Variants in RBM25 observed in about 807,000 individuals in gnomAD.
The protein encoded by RBM25 is RNA-binding protein 25.
In RBM25, 19 loss-of-function variants were observed where a neutral mutation model predicts 120.7. The ratio of observed to expected loss-of-function variants is 0.16; its 90% CI spans 0.11 to 0.23. The LOEUF (loss-of-function observed/expected upper bound fraction) is 0.23, where lower values mean the gene tolerates loss of function less well. RBM25 is among the 10% of genes least tolerant of loss of function. RBM25 has a pLI of 1.00. For missense variants in RBM25, 605 were observed against 1,041.5 expected, an observed-to-expected ratio of 0.58 and a Z score of 5.77; for synonymous variants, 390 against 326.7, an observed-to-expected ratio of 1.19 and a Z score of -2.09.
Position 73,121,130 on chromosome 14 carries a change from C to T in RBM25, c.*1325C>T, listed in dbSNP as rs1467092504. The T allele has an allele frequency of 1.3e-5, 2 of 151,614 alleles. No individual in the cohort carries two copies. Among genetic ancestry groups the T allele is most frequent in the East Asian group, 1.9e-4 (1 of 5,170 alleles). The allele number at this position is 151,614 out of a possible 1,614,324, so 9.4% of individuals were successfully genotyped here. A position where few individuals can be genotyped will look rare whatever the true frequency, so the allele number is the denominator to read the frequency against. On this transcript the variant is annotated 3_prime_UTR_variant, in exon 19 of 19. Transcript: ENST00000261973. The stretch of plus-strand genomic sequence containing the variant: ...ATGCAACTGTTCCCATGTCTGAGTA[C>T]TTATTTAAAAGAAAGGTAAAGATTG...
intron 1 of RBM25, chr14:73,068,431 A>G: frequency 1.5e-6 from 1 of 668,984 alleles, no homozygotes; most frequent in Non-Finnish European, 2.7e-6. Flanking sequence ...TCTGAGACTT[A>G]TTCAGACTAC....
chr14:73,103,429 C>G lies in RBM25; in HGVS notation c.1105C>G (p.Arg369Gly). 2 of 1,612,492 alleles carry G rather than the reference C, an allele frequency of 1.2e-6. No homozygotes were observed. Among genetic ancestry groups the G allele is most frequent in the South Asian group, 1.1e-5 (1 of 90,790 alleles). The change falls in exon 10 of 19, where the codon CGG (arginine) becomes GGG (glycine). Residue 369 changes from arginine (R) to glycine (G), a missense_variant. This residue lies in a region of RBM25 where 465 missense variants were observed against 741.6 expected (regional missense o/e 0.63). Coordinates refer to ENST00000261973, the MANE Select transcript of RBM25 (RefSeq NM_021239.3). ...RDRDRERDRD[R>G]DRERSSDRNK... The stretch of plus-strand genomic sequence containing the variant: ...TCGGGATCGAGAGAGAGATCGTGAC[C>G]GGGATAGAGAAAGGAGCTCAGATCG...
chr14:73,097,239 C>T lies in RBM25; in HGVS notation c.729+139C>T, dbSNP rs542227678. The T allele has an allele frequency of 5.7e-5, 31 of 545,006 alleles. No individual in the cohort carries two copies. In the African/African-American group the frequency reaches 8.6e-4, roughly 15 times the overall value. The allele number at this position is 545,006 out of a possible 1,614,324, so 33.8% of individuals were successfully genotyped here. The stretch of plus-strand genomic sequence containing the variant: ...TTTTTGAGATGGAGGCTCACTTTGT[C>T]TCCCAGGCTGGAATGCAGTGGTGCA... On this transcript the variant is annotated intron_variant, in intron 7 of 18. Transcript: ENST00000261973.
At position 73,109,399 on chromosome 14, in the gene RBM25, A is replaced by G; in HGVS notation, c.1599A>G (p.Glu533=). 1 of 1,614,116 alleles carries G rather than the reference A, an allele frequency of 6.2e-7. No individual in the cohort carries two copies. The highest frequency in any genetic ancestry group is 8.5e-7 in the Non-Finnish European group (1 of 1,179,996). ...RDREKEMEAD[E]RDRKREKEEL... ...GAGAAAAGGAAATGGAAGCAGATGA[A>G]CGAGATAGGAAGAGAGAGAAGGAGG... The change falls in exon 14 of 19, where the codon GAA becomes GAG. Residue 533 remains glutamate (E), a synonymous_variant. Transcript: ENST00000261973.
chr14:73,092,627 G>T (rs1340026830), intron 6 of RBM25, among the ~76,000 whole-genome samples: 1 of 150,102 alleles, frequency 6.7e-6, no homozygotes, highest in Non-Finnish European at 1.5e-5. Flanking sequence ...CCACGTGCAG[G>T]TTTGTTACGT....
chr14:73,116,629 T>C (rs1896433637), intron 18 of RBM25, among the ~76,000 whole-genome samples: 1 of 152,138 alleles, frequency 6.6e-6, no homozygotes, highest in Non-Finnish European at 1.5e-5. Context: ...TCCAGCCCCG[T>C]TTTTCTTGGA....
intron 12 of RBM25, among the ~76,000 whole-genome samples, chr14:73,106,661 G>A (rs1048884769): frequency 6.6e-6 from 1 of 151,990 alleles, no homozygotes; most frequent in African/African-American, 2.4e-5. Flanking sequence ...TTTATCTCAT[G>A]GATTGTTTAC....
chr14:73,091,067 CTG>C (rs1200277295), intron 6 of RBM25, among the ~76,000 whole-genome samples: 2 of 152,182 alleles, frequency 1.3e-5, no homozygotes, highest in African/African-American at 4.8e-5. Context: ...CTAGGACTCA[CTG>C]TTTTCTTGTG....
intron 6 of RBM25, among the ~76,000 whole-genome samples, chr14:73,092,178 A>T (rs920064288): frequency 2.1e-5 from 3 of 144,676 alleles, no homozygotes; most frequent in African/African-American, 7.6e-5. Context: ...TAGATTAGAG[A>T]TTTGCCATGA....
intron 6 of RBM25, among the ~76,000 whole-genome samples, chr14:73,090,324 T>G (rs547369313): frequency 9.2e-5 from 14 of 152,298 alleles, no homozygotes; most frequent in African/African-American, 2.6e-4. Flanking sequence ...GTGCTGGGAT[T>G]ACAGGCGTGA....
intron 12 of RBM25, chr14:73,107,556 A>G (rs1171473968): frequency 3.1e-6 from 1 of 325,628 alleles, no homozygotes; most frequent in African/African-American, 2.2e-5. Context: ...ACCGTTTCCC[A>G]GGCTAGCCCA....
intron 4 of RBM25, among the ~76,000 whole-genome samples, chr14:73,083,112 A>G (rs1196724518): frequency 6.6e-6 from 1 of 152,048 alleles, no homozygotes; most frequent in African/African-American, 2.4e-5. Flanking sequence ...AAATACATAC[A>G]TATTGTTTCA....
chr14:73,103,986 A>ACTCTCT (rs1566597544), intron 10 of RBM25, among the ~76,000 whole-genome samples: 2 of 117,870 alleles, frequency 1.7e-5, no homozygotes, highest in African/African-American at 3.5e-5. Context: ...ACACACACAC[A>ACTCTCT]CACACACACT....
At chr14:73,069,974 C>T (rs1033081053) in intron 1 of RBM25, 1 of 151,366 alleles carries the variant, frequency 6.6e-6, no homozygotes, top group Non-Finnish European at 1.5e-5. Context: ...ACTAAAAATG[C>T]TAATGTTTAA....
intron 1 of RBM25, chr14:73,068,532 A>T: frequency 1.3e-6 from 1 of 757,362 alleles, no homozygotes. Flanking sequence ...AGTGGTTTTA[A>T]CATTAGATGA....
At chr14:73,105,723 G>C (rs1173369307) in intron 10 of RBM25, 136 bp from the exon 11 acceptor site, 6 of 1,371,312 alleles carry the variant, frequency 4.4e-6, no homozygotes, top group Non-Finnish European at 5.9e-6. Context: ...AGGTTACATA[G>C]TTTTATGGAA....
chr14:73,080,048 T>G lies in RBM25; in HGVS notation c.324+2512T>G, dbSNP rs1895520977. On this transcript the variant is annotated intron_variant, in intron 4 of 18. Coordinates refer to ENST00000261973, the MANE Select transcript of RBM25 (RefSeq NM_021239.3). ...TTTTGCTATGTTATTACTGCTAATG[T>G]TTTCTCCCTAGGTGTATGTGAAAAG... Among the ~76,000 whole-genome samples, 2 of 150,080 alleles carry G rather than the reference T, an allele frequency of 1.3e-5. 1 individual carries two copies. The highest frequency in any genetic ancestry group is 3.0e-5 in the Non-Finnish European group (2 of 66,970).
intron 4 of RBM25, among the ~76,000 whole-genome samples, chr14:73,082,256 C>T (rs1442075620): frequency 6.6e-6 from 1 of 152,002 alleles, no homozygotes; most frequent in Non-Finnish European, 1.5e-5. Context: ...CACCTACACC[C>T]TCCTCCTTCT....
At chr14:73,068,407 G>GTTTCTT in intron 1 of RBM25, 1 of 513,210 alleles carries the variant, frequency 1.9e-6, no homozygotes, top group Non-Finnish European at 3.4e-6. Context: ...TTTTTTTTTG[G>GTTTCTT]TTCATTTACA....
Sources: gnomAD v4.1 joint callset for allele counts (sites outside exome capture counted in the v4.1 genomes callset) on GRCh38, gnomAD v4.1.1 for gene constraint, gnomAD v4.1.1 regional missense constraint, MANE v1.5 for transcripts, NCBI Gene and HGNC (gene_info 2026-07-23, HGNC 2026-07-21) for gene names.